Variants in SCN11A observed in about 807,000 individuals in gnomAD.
SCN11A encodes sodium voltage-gated channel alpha subunit 11, also known as sodium channel protein type 11 subunit alpha.
In SCN11A, 122 loss-of-function variants were observed where a neutral mutation model predicts 162.2. That is an observed-to-expected ratio of 0.75 (90% CI 0.65 to 0.87). The LOEUF is 0.87. Among genes scored for constraint, SCN11A ranks in the 40% least tolerant of loss-of-function variants. SCN11A has a pLI of 0.00. For missense variants in SCN11A, 2,015 were observed against 2,181.6 expected (o/e 0.92, Z 1.52); for synonymous variants, 758 against 751.5 (o/e 1.01, Z -0.14).
At chr3:38,937,533 A>C (rs1347019792) in intron 7 of SCN11A, among the ~76,000 whole-genome samples, 1 of 151,806 alleles carries the variant, frequency 6.6e-6, no homozygotes, top group Non-Finnish European at 1.5e-5. Context: ...TAAGAAAAAA[A>C]CAAACAACCC....
chr3:38,899,862 C>T (rs775496066), intron 17 of SCN11A, 32 bp downstream of exon 17: 11 of 1,589,414 alleles, frequency 6.9e-6, no homozygotes, highest in African/African-American at 2.7e-5. Context: ...TAGGCAGCTA[C>T]GTTTATGCAG....
intron 2 of SCN11A, among the ~76,000 whole-genome samples, chr3:39,003,300 C>T (rs1027691243): frequency 1.6e-4 from 25 of 152,152 alleles, no homozygotes; most frequent in African/African-American, 5.8e-4. Context: ...TCTGTTTCTG[C>T]ATTAGTTTAC....
chr3:39,019,716 T>A (rs927077253), intron 2 of SCN11A, among the ~76,000 whole-genome samples: 1 of 152,238 alleles, frequency 6.6e-6, no homozygotes, highest in Admixed American at 6.5e-5. Flanking sequence ...CTTAATTTGT[T>A]CTTTTCATAA....
chr3:39,028,532 C>T (rs1196036220), intron 2 of SCN11A, among the ~76,000 whole-genome samples: 1 of 152,218 alleles, frequency 6.6e-6, no homozygotes, highest in Non-Finnish European at 1.5e-5. Context: ...TCTTTAACTG[C>T]TGTCTTGTCC....
At chr3:38,893,035 A>G (rs952844042) in intron 19 of SCN11A, among the ~76,000 whole-genome samples, 6 of 152,132 alleles carry the variant, frequency 3.9e-5, no homozygotes, top group African/African-American at 1.4e-4. Context: ...TTAAATATGA[A>G]TGGTTTAACC....
At chr3:38,938,443 T>C (rs942022952) in intron 7 of SCN11A, among the ~76,000 whole-genome samples, 2 of 139,910 alleles carry the variant, frequency 1.4e-5, no homozygotes, top group African/African-American at 5.1e-5. Context: ...AATTCATATT[T>C]TAGAAAATGT....
intron 26 of SCN11A, among the ~76,000 whole-genome samples, chr3:38,868,598 A>G (rs996915843): frequency 6.6e-6 from 1 of 152,200 alleles, no homozygotes; most frequent in African/African-American, 2.4e-5. Flanking sequence ...TGAAATTATC[A>G]AAGCTCACCC....
chr3:38,996,687 A>G (rs150172420), intron 2 of SCN11A, among the ~76,000 whole-genome samples: 3 of 152,324 alleles, frequency 2.0e-5, no homozygotes, highest in African/African-American at 7.2e-5. Flanking sequence ...ATCTGCATCC[A>G]TAATCACTGT....
At chr3:38,997,015 T>C (rs772512275) in intron 2 of SCN11A, among the ~76,000 whole-genome samples, 4 of 152,188 alleles carry the variant, frequency 2.6e-5, no homozygotes, top group Non-Finnish European at 5.9e-5. Flanking sequence ...TTACCACAAG[T>C]GGCCTCCTAA....
chr3:38,999,885 G>A (rs1229302637), intron 2 of SCN11A, among the ~76,000 whole-genome samples: 1 of 152,150 alleles, frequency 6.6e-6, no homozygotes, highest in Non-Finnish European at 1.5e-5. Flanking sequence ...CTCAAAAACA[G>A]GAATTAGCAT....
intron 23 of SCN11A, among the ~76,000 whole-genome samples, chr3:38,879,228 C>T (rs2065269401): frequency 1.3e-5 from 2 of 152,178 alleles, no homozygotes; most frequent in South Asian, 2.1e-4. Context: ...ATAGTAGCAC[C>T]TGCCACAGAG....
intron 29 of SCN11A, among the ~76,000 whole-genome samples, chr3:38,848,667 T>C (rs1312539760): frequency 6.6e-6 from 1 of 152,248 alleles, no homozygotes; most frequent in Non-Finnish European, 1.5e-5. Context: ...ATTTAAGATC[T>C]ACCTCCTCTA....
intron 11 of SCN11A, among the ~76,000 whole-genome samples, chr3:38,915,407 A>C (rs2065945858): frequency 6.6e-6 from 1 of 151,920 alleles, no homozygotes; most frequent in South Asian, 2.1e-4. Flanking sequence ...GACATTGTTT[A>C]AGTTATTTCT....
chr3:38,994,479 C>T (rs2030549768), intron 2 of SCN11A, among the ~76,000 whole-genome samples: 1 of 152,142 alleles, frequency 6.6e-6, no homozygotes, highest in African/African-American at 2.4e-5. Flanking sequence ...TTTAAGAGGC[C>T]ACAAGCTGGA....
Position 38,896,902 on chromosome 3 carries a change from T to A in SCN11A, c.2346A>T (p.Ala782=). The part of the protein sequence containing the change: ...NMWECMQEAN[A]SSSLCVIVFI... ...AGACAATAACACACAATGATGATGA[T>A]GCATTCGCTTCTTGCATACATTCCC... The change falls in exon 18 of 30, where the codon GCA becomes GCT. Residue 782 remains alanine, a synonymous_variant. Transcript: ENST00000302328. 1 of 1,613,240 alleles carries A rather than the reference T, an allele frequency of 6.2e-7. No homozygotes were observed. Among genetic ancestry groups the A allele is most frequent in the Non-Finnish European group, 8.5e-7 (1 of 1,179,690 alleles).
chr3:39,015,625 A>T (rs1371162401), intron 2 of SCN11A, among the ~76,000 whole-genome samples: 2 of 152,062 alleles, frequency 1.3e-5, no homozygotes, highest in Non-Finnish European at 2.9e-5. Flanking sequence ...TATATGCAAA[A>T]TTTTTTCCAG....
At chr3:38,918,330 A>T (rs79142614) in intron 11 of SCN11A, among the ~76,000 whole-genome samples, 8,396 of 152,248 alleles carry the variant, frequency 0.055, 776 homozygotes, top group African/African-American at 0.19. Context: ...CCTGCTAGGA[A>T]CTAGGCTGTA....
intron 28 of SCN11A, among the ~76,000 whole-genome samples, chr3:38,860,075 G>A (rs2064938399): frequency 6.6e-6 from 1 of 151,822 alleles, no homozygotes; most frequent in South Asian, 2.1e-4. Context: ...ATTCCACCCA[G>A]GAACAGAAGA....
At chr3:39,017,001 AACTG>A (rs1694855699) in intron 2 of SCN11A, among the ~76,000 whole-genome samples, 2 of 152,162 alleles carry the variant, frequency 1.3e-5, no homozygotes. Flanking sequence ...CTAGTGCTTG[AACTG>A]ACTGTGTTCC....
Sources: gnomAD v4.1 joint callset for allele counts (sites outside exome capture counted in the v4.1 genomes callset) on GRCh38, gnomAD v4.1.1 for gene constraint, MANE v1.5 for transcripts, NCBI Gene and HGNC (gene_info 2026-07-23, HGNC 2026-07-21) for gene names.